Variants in TTC1 observed in about 807,000 individuals in gnomAD.
TTC1 encodes tetratricopeptide repeat domain 1.
A neutral mutation model predicts 37.6 loss-of-function variants in TTC1; 31 were observed. That is an observed-to-expected ratio of 0.82 (90% confidence interval 0.62 to 1.11). The LOEUF (loss-of-function observed/expected upper bound fraction) is 1.11, where lower values mean the gene tolerates loss of function less well. TTC1 is among the 50% of genes most tolerant of loss of function. The pLI, the probability that TTC1 is intolerant of heterozygous loss-of-function variation, is 0.00. For missense variants in TTC1, 351 were observed against 339.0 expected (o/e 1.04, Z -0.28); for synonymous variants, 127 against 122.4 (o/e 1.04, Z -0.25).
intron 2 of TTC1, chr5:160,023,631 T>C: frequency 1.1e-6 from 1 of 895,368 alleles, no homozygotes; most frequent in Non-Finnish European, 1.7e-6. Context: ...CAGATCCAGA[T>C]GGACACAGGT....
chr5:160,043,275 G>A (rs1369036453), intron 5 of TTC1, 106 bp downstream of exon 5: 2 of 1,190,366 alleles, frequency 1.7e-6, no homozygotes, highest in Non-Finnish European at 2.4e-6. Flanking sequence ...TTCCTCTGGG[G>A]CCTTGCAAGA....
intron 2 of TTC1, among the ~76,000 whole-genome samples, chr5:160,034,128 T>C (rs1458243639): frequency 1.6e-5 from 2 of 126,652 alleles, no homozygotes; most frequent in Non-Finnish European, 3.4e-5. Context: ...CCCTATCTCT[T>C]TTTTTTTTTT....
chr5:160,032,624 GC>G (rs1313260931), intron 2 of TTC1, among the ~76,000 whole-genome samples: 2 of 149,776 alleles, frequency 1.3e-5, no homozygotes, highest in Non-Finnish European at 3.0e-5. Context: ...TGTCATTGCA[GC>G]CCTGTCCTGG....
At chr5:160,038,494 G>C (rs953971564) in intron 4 of TTC1, among the ~76,000 whole-genome samples, 1 of 152,084 alleles carries the variant, frequency 6.6e-6, no homozygotes, top group Non-Finnish European at 1.5e-5. Context: ...TTCTAGGTTT[G>C]GGCTCACATA....
chr5:160,051,927 GT>G (rs1438699172), intron 7 of TTC1, among the ~76,000 whole-genome samples: 2 of 152,188 alleles, frequency 1.3e-5, no homozygotes, highest in African/African-American at 4.8e-5. Context: ...CTGCAATCAT[GT>G]GGCCCTAAAG....
intron 6 of TTC1, among the ~76,000 whole-genome samples, chr5:160,050,240 G>A (rs1333359025): frequency 2.0e-5 from 3 of 152,154 alleles, no homozygotes; most frequent in African/African-American, 7.2e-5. Flanking sequence ...CTGAGGTCGG[G>A]AGTTCGAGAC....
At chr5:160,022,505 A>G (rs143636452) in intron 2 of TTC1, among the ~76,000 whole-genome samples, 48 of 152,368 alleles carry the variant, frequency 3.2e-4, no homozygotes, top group Middle Eastern at 6.8e-3. Context: ...AGCTCTTAGC[A>G]CAATGTTTGG....
At chr5:160,058,536 G>A (rs1310018946) in intron 7 of TTC1, among the ~76,000 whole-genome samples, 1 of 150,602 alleles carries the variant, frequency 6.6e-6, no homozygotes, top group Admixed American at 6.7e-5. Context: ...TCAGCCTCCT[G>A]AGTAGCTGGG....
chr5:160,018,082 A>T (rs1199367531), intron 2 of TTC1, among the ~76,000 whole-genome samples: 1 of 152,130 alleles, frequency 6.6e-6, no homozygotes, highest in Non-Finnish European at 1.5e-5. Flanking sequence ...TTAGAAGGTG[A>T]TTAGAAGAAT....
At position 160,016,642 on chromosome 5, in the gene TTC1, T is replaced by A. The variant is rs1310258212; in HGVS notation, c.330+5784T>A. On this transcript the variant is annotated intron_variant, in intron 2 of 7. Coordinates refer to ENST00000231238, the MANE Select transcript of TTC1 (RefSeq NM_003314.3). ...TGCAATTTTGTAATATTTGCTTTTT[T>A]TTTCAGTAAGCCTGTATTACATTAT... 3.3e-5 allele frequency among the ~76,000 whole-genome samples: 5 copies of A among 152,284 alleles called. No individual in the cohort carries two copies. In the South Asian group the frequency reaches 1.0e-3, roughly 32 times the overall value.
At chr5:160,051,976 T>A (rs1362153796) in intron 7 of TTC1, among the ~76,000 whole-genome samples, 1 of 152,252 alleles carries the variant, frequency 6.6e-6, no homozygotes, top group Non-Finnish European at 1.5e-5. Flanking sequence ...TGTCTGGCAT[T>A]TATGGCCTTC....
intron 5 of TTC1, 115 bp from the exon 6 acceptor site, chr5:160,049,399 C>G: frequency 9.7e-7 from 1 of 1,032,640 alleles, no homozygotes. Context: ...ATACACTTGG[C>G]AAATGACTCT....
At chr5:160,055,960 C>A (rs780040283) in intron 7 of TTC1, among the ~76,000 whole-genome samples, 2 of 152,202 alleles carry the variant, frequency 1.3e-5, no homozygotes, top group Non-Finnish European at 2.9e-5. Flanking sequence ...GGAATAGAGT[C>A]AGTTACATTA....
intron 7 of TTC1, chr5:160,063,618 TG>T (rs1753499196): frequency 6.6e-6 from 1 of 152,124 alleles, no homozygotes; most frequent in South Asian, 2.1e-4. Flanking sequence ...GTACCTCTGG[TG>T]ATTAGGGATT....
At chr5:160,011,577 A>G (rs923791473) in intron 2 of TTC1, among the ~76,000 whole-genome samples, 15 of 152,254 alleles carry the variant, frequency 9.9e-5, no homozygotes, top group Admixed American at 8.5e-4. Context: ...GCTAGAGTAT[A>G]ATGTATAATG....
At chr5:160,054,673 C>T (rs564934324) in intron 7 of TTC1, among the ~76,000 whole-genome samples, 4 of 151,560 alleles carry the variant, frequency 2.6e-5, no homozygotes, top group South Asian at 2.1e-4. Flanking sequence ...AAAAAAGTAG[C>T]GTTTTATATA....
chr5:160,029,036 A>G (rs1005004514), intron 2 of TTC1, among the ~76,000 whole-genome samples: 1 of 152,200 alleles, frequency 6.6e-6, no homozygotes, highest in Non-Finnish European at 1.5e-5. Flanking sequence ...CTTGAACTTT[A>G]CATAGTAGGT....
At chr5:160,056,338 T>C (rs1274647127) in intron 7 of TTC1, among the ~76,000 whole-genome samples, 1 of 152,144 alleles carries the variant, frequency 6.6e-6, no homozygotes, top group Non-Finnish European at 1.5e-5. Flanking sequence ...GTGTCCTGAT[T>C]CTTAAAGTCA....
chr5:160,047,543 C>T (rs1179876817), intron 5 of TTC1, among the ~76,000 whole-genome samples: 1 of 152,150 alleles, frequency 6.6e-6, no homozygotes, highest in Non-Finnish European at 1.5e-5. Flanking sequence ...TCAGTCTTGC[C>T]CCACCCGCCA....
Sources: allele counts gnomAD v4.1 joint callset (sites outside exome capture counted in the v4.1 genomes callset), GRCh38; gene constraint gnomAD v4.1.1; transcripts MANE v1.5; gene names NCBI Gene and HGNC (gene_info 2026-07-23, HGNC 2026-07-21).